The following FUT8 variants were observed in gnomAD, a reference collection of about 807,000 sequenced individuals.
FUT8 encodes alpha-(1,6)-fucosyltransferase.
Under a neutral mutation model 71.3 loss-of-function variants are expected in FUT8, and 29 were observed. The ratio of observed to expected loss-of-function variants is 0.41; its 90% CI spans 0.30 to 0.55. The LOEUF (loss-of-function observed/expected upper bound fraction) is 0.55, where lower values mean the gene tolerates loss of function less well. FUT8 is among the 20% of genes least tolerant of loss of function. FUT8 has a pLI of 0.34. For missense variants in FUT8, 544 were observed against 702.1 expected (o/e 0.77, Z 2.55); for synonymous variants, 254 against 239.3 (o/e 1.06, Z -0.57).
chr14:65,561,766 G>A lies in FUT8; in HGVS notation c.203G>A (p.Arg68Gln), dbSNP rs1289774030. The part of the protein sequence containing the change: ...EDLRRMAESL[R>Q]IPEGPIDQGP... Reference sequence around the variant, plus strand: ...TTGAGGCGAATGGCCGAATCTCTCCGGTAGGTCCTAAAATACTGAATGAAG... The same window carrying A: ...TTGAGGCGAATGGCCGAATCTCTCCAGTAGGTCCTAAAATACTGAATGAAG... Residue 68 changes from arginine (R) to glutamine (Q), a missense_variant and splice_region_variant, in exon 3 of 11, where the codon CGG becomes CAG. Transcript: ENST00000673929. The A allele has an allele frequency of 5.6e-6, 9 of 1,610,832 alleles. No homozygotes were observed. The highest frequency in any genetic ancestry group is 2.2e-5 in the East Asian group (1 of 44,818).
intron 7 of FUT8, among the ~76,000 whole-genome samples, chr14:65,679,759 G>A (rs1159180641): frequency 2.0e-5 from 3 of 152,138 alleles, no homozygotes; most frequent in African/African-American, 2.4e-5. Context: ...ATTATCACCT[G>A]GGGGATGGTG....
At chr14:65,457,534 C>CT (rs1403443897) in intron 2 of FUT8, among the ~76,000 whole-genome samples, 1 of 152,124 alleles carries the variant, frequency 6.6e-6, no homozygotes, top group Admixed American at 6.5e-5. Flanking sequence ...GAAGGAAGGG[C>CT]TTTATTCAGC....
chr14:65,411,835 G>C (rs1452421126), upstream of FUT8: 2 of 355,122 alleles, frequency 5.6e-6, no homozygotes, highest in Non-Finnish European at 1.1e-5. Context: ...GCGCAGCTCT[G>C]ATTGGCCTCG....
intron 1 of FUT8, among the ~76,000 whole-genome samples, chr14:65,439,740 T>C (rs566638472): frequency 7.9e-4 from 120 of 151,782 alleles, no homozygotes; most frequent in African/African-American, 2.7e-3. Context: ...TAAACACCAA[T>C]AGCAACAATA....
chr14:65,645,656 A>G (rs1038785487), intron 6 of FUT8, among the ~76,000 whole-genome samples: 1 of 152,210 alleles, frequency 6.6e-6, no homozygotes, highest in Non-Finnish European at 1.5e-5. Context: ...GAAAAGGAAA[A>G]AATGGTTCAT....
At chr14:65,361,771 A>G in the FUT8 span, among the ~76,000 whole-genome samples, 1 of 152,118 alleles carries the variant, frequency 6.6e-6, no homozygotes, top group Non-Finnish European at 1.5e-5. Flanking sequence ...TGGGCGACAG[A>G]GCAAGAGTCT....
At chr14:65,597,366 C>A (rs1311635164) in intron 3 of FUT8, among the ~76,000 whole-genome samples, 1 of 152,172 alleles carries the variant, frequency 6.6e-6, no homozygotes, top group Non-Finnish European at 1.5e-5. Context: ...CGATGGCTCA[C>A]GCCTGTAATC....
chr14:65,450,041 GTTC>G (rs1189458836), intron 1 of FUT8, among the ~76,000 whole-genome samples: 12 of 152,122 alleles, frequency 7.9e-5, no homozygotes, highest in African/African-American at 2.2e-4. Context: ...ATGACTTTGG[GTTC>G]TTCTTCATTT....
intron 3 of FUT8, among the ~76,000 whole-genome samples, chr14:65,590,684 C>T (rs569744060): frequency 6.6e-6 from 1 of 152,280 alleles, no homozygotes; most frequent in East Asian, 1.9e-4. Flanking sequence ...TTCTAAAACA[C>T]TACCACATAA....
the FUT8 span, among the ~76,000 whole-genome samples, chr14:65,404,843 G>A: frequency 6.6e-6 from 1 of 152,288 alleles, no homozygotes; most frequent in East Asian, 1.9e-4. Flanking sequence ...AATTGCAATG[G>A]TATTGTATCA....
At position 65,431,485 on chromosome 14, in the gene FUT8, AT is replaced by A. The variant is rs892557777; in HGVS notation, c.-326+18279del. Among the ~76,000 whole-genome samples the A allele has an allele frequency of 5.0e-4, 75 of 149,454 alleles. 1 individual carries two copies. Among genetic ancestry groups the A allele is most frequent in the Non-Finnish European group, 9.4e-4 (63 of 67,344 alleles). On this transcript the variant is annotated intron_variant, in intron 1 of 10. Transcript: ENST00000673929. ...TCACCATACCCGGCTTTTTTTTGGT[AT>A]TTTTTTTGTAGAGGCTGGGTTTTGC...
chr14:65,553,149 T>A (rs1279161814), intron 2 of FUT8, among the ~76,000 whole-genome samples: 1 of 152,196 alleles, frequency 6.6e-6, no homozygotes, highest in Non-Finnish European at 1.5e-5. Context: ...CTCACTATGT[T>A]GCTCAGGCTG....
intron 2 of FUT8, among the ~76,000 whole-genome samples, chr14:65,496,780 A>G (rs545472265): frequency 6.6e-6 from 1 of 152,104 alleles, no homozygotes; most frequent in South Asian, 2.1e-4. Context: ...TCTTGGTATG[A>G]CTCAGGAAAA....
chr14:65,456,248 C>T (rs2065892357), intron 2 of FUT8, among the ~76,000 whole-genome samples: 2 of 152,206 alleles, frequency 1.3e-5, no homozygotes, highest in Admixed American at 1.3e-4. Context: ...TTAACCTCTC[C>T]TTATACCTCA....
chr14:65,647,895 G>A (rs1891188980), intron 6 of FUT8, among the ~76,000 whole-genome samples: 1 of 151,778 alleles, frequency 6.6e-6, no homozygotes, highest in South Asian at 2.1e-4. Flanking sequence ...AAAAAAAGAA[G>A]TCTCAGAAGT....
Position 65,669,724 on chromosome 14 carries a change from G to A in FUT8, c.835+244G>A, listed in dbSNP as rs1472675123. Among the ~76,000 whole-genome samples the A allele has an allele frequency of 1.3e-5, 2 of 151,984 alleles. No homozygotes were observed. The highest frequency in any genetic ancestry group is 4.8e-5 in the African/African-American group (2 of 41,374). On this transcript the variant is annotated intron_variant, in intron 7 of 10. Transcript: ENST00000673929. This position sits in a 1 kb window ranked among gnomAD's most constrained non-coding sequence, Gnocchi z 4.5. ...AAAATCACTGAGTTTTTTTCAGGGA[G>A]CATAATTTAATCTTTTAATAATAAT... is the stretch of plus-strand genomic sequence containing the variant.
intron 2 of FUT8, among the ~76,000 whole-genome samples, chr14:65,498,492 A>C (rs1324978766): frequency 2.6e-5 from 4 of 152,124 alleles, no homozygotes; most frequent in Non-Finnish European, 2.9e-5. Flanking sequence ...GTTAATTAAA[A>C]AGGTATTGTA....
At chr14:65,439,614 T>C (rs1291748002) in intron 1 of FUT8, among the ~76,000 whole-genome samples, 1 of 152,070 alleles carries the variant, frequency 6.6e-6, no homozygotes, top group Non-Finnish European at 1.5e-5. Context: ...ATTCATACTG[T>C]CTCAGTTATT....
At chr14:65,534,523 A>C (rs1478637103) in intron 2 of FUT8, among the ~76,000 whole-genome samples, 1 of 148,246 alleles carries the variant, frequency 6.7e-6, no homozygotes, top group Non-Finnish European at 1.5e-5. Flanking sequence ...TTAGGCTGTT[A>C]ATCTGTCTGG....
Sources: allele counts gnomAD v4.1 joint callset (sites outside exome capture counted in the v4.1 genomes callset), GRCh38; gene constraint gnomAD v4.1.1; non-coding constraint Gnocchi (gnomAD v3.1); transcripts MANE v1.5; gene names NCBI Gene and HGNC (gene_info 2026-07-23, HGNC 2026-07-21).